Variants in KCNQ5 observed in about 807,000 individuals in gnomAD.
The protein encoded by KCNQ5 is potassium voltage-gated channel subfamily Q member 5.
A neutral mutation model predicts 98.2 loss-of-function variants in KCNQ5; 30 were observed. That is an observed-to-expected ratio of 0.31 (90% CI 0.23 to 0.41). The LOEUF (loss-of-function observed/expected upper bound fraction) is 0.41. Ranked by LOEUF, KCNQ5 falls within the 10% of genes least tolerant of loss-of-function variation. The pLI is 1.00. For missense variants in KCNQ5, 835 were observed against 1,182.5 expected (o/e 0.71, Z 4.31); for synonymous variants, 458 against 449.4 (o/e 1.02, Z -0.24).
intron 1 of KCNQ5, among the ~76,000 whole-genome samples, chr6:72,784,527 G>T (rs1049486120): frequency 1.1e-4 from 16 of 152,100 alleles, no homozygotes; most frequent in Admixed American, 5.2e-4. Flanking sequence ...ATGAGGTCAG[G>T]ATTTATTTTC....
intron 1 of KCNQ5, among the ~76,000 whole-genome samples, chr6:72,985,714 G>A (rs1768740671): frequency 6.6e-6 from 1 of 152,218 alleles, no homozygotes; most frequent in East Asian, 1.9e-4. Flanking sequence ...TAGTGGGAAG[G>A]TAAATTAGTT....
chr6:73,193,682 A>AT (rs1765683193), intron 13 of KCNQ5, among the ~76,000 whole-genome samples: 1 of 151,654 alleles, frequency 6.6e-6, no homozygotes, highest in African/African-American at 2.4e-5. Context: ...TTGTACCTTT[A>AT]TTTTTTTATG....
intron 1 of KCNQ5, among the ~76,000 whole-genome samples, chr6:72,653,015 C>A (rs1009935990): frequency 2.2e-4 from 34 of 152,094 alleles, no homozygotes; most frequent in African/African-American, 8.2e-4. Context: ...TATTCACAGA[C>A]AATCACAGGT....
chr6:73,104,039 T>C (rs1774904940), intron 5 of KCNQ5, among the ~76,000 whole-genome samples: 1 of 151,712 alleles, frequency 6.6e-6, no homozygotes, highest in Non-Finnish European at 1.5e-5. Flanking sequence ...TAGTTTGATT[T>C]AAAAAAAACA....
intron 3 of KCNQ5, among the ~76,000 whole-genome samples, chr6:73,075,899 G>T (rs1168765428): frequency 4.6e-5 from 7 of 152,118 alleles, no homozygotes; most frequent in African/African-American, 1.4e-4. Context: ...ACAAAAATTA[G>T]CCAGGCGTGT....
intron 1 of KCNQ5, among the ~76,000 whole-genome samples, chr6:72,634,975 A>G (rs998341603): frequency 1.3e-5 from 2 of 151,908 alleles, no homozygotes; most frequent in Non-Finnish European, 2.9e-5. Context: ...AAATTCTACT[A>G]GTTCGTATTG....
intron 1 of KCNQ5, among the ~76,000 whole-genome samples, chr6:72,749,798 GT>G (rs1420826125): frequency 6.6e-6 from 1 of 151,966 alleles, no homozygotes; most frequent in East Asian, 1.9e-4. Context: ...GAGGCATTTG[GT>G]TTTTCTTTTC....
chr6:72,873,152 A>C (rs1429958072), intron 1 of KCNQ5, among the ~76,000 whole-genome samples: 10 of 152,042 alleles, frequency 6.6e-5, no homozygotes, highest in Admixed American at 6.6e-4. Context: ...ATTCTCTATA[A>C]ATACTTTATA....
At chr6:72,749,816 C>A (rs1193105778) in intron 1 of KCNQ5, among the ~76,000 whole-genome samples, 2 of 152,010 alleles carry the variant, frequency 1.3e-5, no homozygotes, top group Non-Finnish European at 2.9e-5. Context: ...TTTCATAGGA[C>A]CTTTTTCATT....
intron 9 of KCNQ5, among the ~76,000 whole-genome samples, chr6:73,125,919 T>G (rs1775972211): frequency 6.6e-6 from 1 of 152,136 alleles, no homozygotes; most frequent in Admixed American, 6.6e-5. Context: ...AAGAAACGTT[T>G]TTGACCAAAG....
At chr6:73,063,598 T>G (rs931952586) in intron 3 of KCNQ5, among the ~76,000 whole-genome samples, 3 of 152,012 alleles carry the variant, frequency 2.0e-5, no homozygotes, top group African/African-American at 7.2e-5. Context: ...GGGAGTTAGA[T>G]GCATAATTAT....
chr6:72,698,475 T>A lies in KCNQ5; in HGVS notation c.398+75888T>A, dbSNP rs551402416. On this transcript the variant is annotated intron_variant, in intron 1 of 13. Transcript: ENST00000370398. ...GCTTCGGCCTCCCAAAATGCTGGGATTACAGGTGTGAGCCACCGCACCTGG... is the reference window on the plus strand; with the variant it reads ...GCTTCGGCCTCCCAAAATGCTGGGAATACAGGTGTGAGCCACCGCACCTGG... Among the ~76,000 whole-genome samples, 3 of 152,240 alleles carry A rather than the reference T, an allele frequency of 2.0e-5. No individual in the cohort carries two copies. The South Asian group carries it at 6.2e-4, about 32-fold the overall frequency.
rs551696183 is a variant in KCNQ5, at chr6:72,866,220, T to A, written c.399-137688T>A. 6.0e-5 allele frequency among the ~76,000 whole-genome samples: 9 copies of A among 150,814 alleles called. No homozygotes were observed. The South Asian group carries it at 1.9e-3, about 32-fold the overall frequency. ...ATTATGTCCCCTCAGAATTTCCCCA[T>A]CATGCTTATTCTAGTTTCCTCCGCC... On this transcript the variant is annotated intron_variant, in intron 1 of 13. Coordinates refer to ENST00000370398, the MANE Select transcript of KCNQ5 (RefSeq NM_019842.4).
intron 1 of KCNQ5, among the ~76,000 whole-genome samples, chr6:72,812,046 G>C (rs1047888170): frequency 6.6e-6 from 1 of 152,138 alleles, no homozygotes; most frequent in African/African-American, 2.4e-5. Flanking sequence ...CATGGTATTT[G>C]TAAACGGTCA....
intron 2 of KCNQ5, among the ~76,000 whole-genome samples, chr6:73,041,255 A>T (rs1387380805): frequency 1.3e-5 from 2 of 152,158 alleles, no homozygotes; most frequent in Non-Finnish European, 2.9e-5. Context: ...CTTCCTAAAT[A>T]ATCTCAGTCA....
At chr6:73,181,432 A>G (rs372548744) in intron 11 of KCNQ5, among the ~76,000 whole-genome samples, 17 of 151,538 alleles carry the variant, frequency 1.1e-4, no homozygotes, top group Non-Finnish European at 1.5e-5. Context: ...AGGGCTCGTC[A>G]TAGGTACTTA....
intron 1 of KCNQ5, among the ~76,000 whole-genome samples, chr6:72,973,171 TA>T (rs1450675327): frequency 6.6e-6 from 1 of 152,212 alleles, no homozygotes; most frequent in African/African-American, 2.4e-5. Context: ...ATTAATAATT[TA>T]TTGGTCATAG....
chr6:72,859,927 T>C (rs1777692846), intron 1 of KCNQ5, among the ~76,000 whole-genome samples: 1 of 152,026 alleles, frequency 6.6e-6, no homozygotes, highest in Admixed American at 6.6e-5. Context: ...TCCTCTTCTT[T>C]TGTCATTTCT....
intron 11 of KCNQ5, among the ~76,000 whole-genome samples, chr6:73,172,030 A>T (rs764404842): frequency 1.3e-5 from 2 of 152,146 alleles, no homozygotes; most frequent in Non-Finnish European, 2.9e-5. Context: ...TTACTTTGTT[A>T]TTCTTCTTGA....
Sources: gnomAD v4.1 joint callset for allele counts (sites outside exome capture counted in the v4.1 genomes callset) on GRCh38, gnomAD v4.1.1 for gene constraint, MANE v1.5 for transcripts, NCBI Gene and HGNC (gene_info 2026-07-23, HGNC 2026-07-21) for gene names.